SORCS1: variants seen among roughly 807,000 people sequenced by gnomAD.
SORCS1 encodes VPS10 domain-containing receptor SorCS1.
Under a neutral mutation model 146.1 loss-of-function variants are expected in SORCS1, and 60 were observed. The ratio of observed to expected loss-of-function variants is 0.41; its 90% confidence interval spans 0.33 to 0.51. The LOEUF is 0.51. SORCS1 is among the 20% of genes least tolerant of loss of function. The pLI is 0.21. For synonymous variants in SORCS1, 637 were observed against 584.0 expected, an observed-to-expected ratio of 1.09 and a Z score of -1.31; for missense variants, 1,352 against 1,487.6, an observed-to-expected ratio of 0.91 and a Z score of 1.50.
At chr10:106,819,174 T>C (rs1356589029) in intron 3 of SORCS1, among the ~76,000 whole-genome samples, 2 of 152,224 alleles carry the variant, frequency 1.3e-5, no homozygotes, top group African/African-American at 4.8e-5. Context: ...TCAGACACTG[T>C]TCTTTGCTGG....
intron 19 of SORCS1, among the ~76,000 whole-genome samples, chr10:106,623,922 G>T (rs1298993549): frequency 6.6e-6 from 1 of 152,034 alleles, no homozygotes; most frequent in Admixed American, 6.5e-5. Context: ...GACCTCAAGT[G>T]ATCCACCCAC....
rs1844577325 is a variant in SORCS1 at position 106,576,349 on chromosome 10, T to C, written c.*1071A>G. 6.6e-6 allele frequency: 1 copy of C among 152,332 alleles called. No individual in the cohort carries two copies. Among genetic ancestry groups the C allele is most frequent in the Non-Finnish European group, 1.5e-5 (1 of 68,148 alleles). The allele number at this position is 152,332 out of a possible 1,614,324, so 9.4% of individuals were successfully genotyped here. On this transcript the variant is annotated 3_prime_UTR_variant, in exon 26 of 26. Coordinates refer to ENST00000263054, the MANE Select transcript of SORCS1 (RefSeq NM_052918.5). Reference sequence around the variant, plus strand: ...AGGGTTAATGTCCAGAATCTAGCAATATGTTTGGGAAGAAAAACTGAGAAC... The same window carrying C: ...AGGGTTAATGTCCAGAATCTAGCAACATGTTTGGGAAGAAAAACTGAGAAC...
intron 9 of SORCS1, among the ~76,000 whole-genome samples, chr10:106,692,199 G>A (rs1267493060): frequency 6.6e-6 from 1 of 152,040 alleles, no homozygotes; most frequent in Non-Finnish European, 1.5e-5. Context: ...ACACCACTAT[G>A]CCCAGCTAAT....
chr10:107,147,767 A>G (rs962134519), intron 1 of SORCS1, among the ~76,000 whole-genome samples: 1 of 152,188 alleles, frequency 6.6e-6, no homozygotes. Flanking sequence ...TGTGCCAAAT[A>G]CTGGCATATA....
rs151298222 is a variant in SORCS1, at chr10:106,626,242, G to A, written c.2662+2960C>T. Among the ~76,000 whole-genome samples the A allele has an allele frequency of 8.5e-4, 130 of 152,312 alleles. 1 individual carries two copies. Among genetic ancestry groups the A allele is most frequent in the African/African-American group, 2.9e-3 (122 of 41,574 alleles). On this transcript the variant is annotated intron_variant, in intron 19 of 25. Coordinates refer to ENST00000263054, the MANE Select transcript of SORCS1 (RefSeq NM_052918.5). The stretch of plus-strand genomic sequence containing the variant: ...GCAGAGGACAGGCTTGGTGAGCTAA[G>A]AGTTGCTGCTAATTCTCCTCTTCCT...
chr10:106,598,381 C>T (rs1003098427), intron 23 of SORCS1, among the ~76,000 whole-genome samples: 7 of 151,826 alleles, frequency 4.6e-5, no homozygotes, highest in African/African-American at 1.7e-4. Context: ...CCTGCCTCAG[C>T]CTCCTGAGTA....
intron 5 of SORCS1, among the ~76,000 whole-genome samples, chr10:106,761,315 TATAAC>T (rs1459293516): frequency 4.6e-5 from 7 of 152,206 alleles, no homozygotes; most frequent in African/African-American, 1.7e-4. Flanking sequence ...TCCACCAAAA[TATAAC>T]AAAGCAATTC....
chr10:106,983,436 A>G (rs1956324249), intron 1 of SORCS1, among the ~76,000 whole-genome samples: 1 of 152,008 alleles, frequency 6.6e-6, no homozygotes, highest in African/African-American at 2.4e-5. Context: ...GTAGTAGACA[A>G]CCTAATGTGT....
intron 6 of SORCS1, among the ~76,000 whole-genome samples, chr10:106,719,993 T>C (rs1320240169): frequency 6.6e-6 from 1 of 152,198 alleles, no homozygotes; most frequent in Non-Finnish European, 1.5e-5. Context: ...TCTCCCATAT[T>C]TCCATACAGA....
chr10:107,132,955 A>G (rs1003848927), intron 1 of SORCS1, among the ~76,000 whole-genome samples: 4 of 152,216 alleles, frequency 2.6e-5, no homozygotes, highest in Middle Eastern at 3.2e-3. Context: ...TGGAAGAGTC[A>G]GAGCAATTTT....
chr10:107,071,239 T>A (rs1962397858), intron 1 of SORCS1, among the ~76,000 whole-genome samples: 1 of 152,194 alleles, frequency 6.6e-6, no homozygotes, highest in African/African-American at 2.4e-5. Flanking sequence ...TGGTTGTTTT[T>A]ATTTATGTTC....
chr10:107,027,060 T>A (rs1309778008), intron 1 of SORCS1, among the ~76,000 whole-genome samples: 1 of 146,568 alleles, frequency 6.8e-6, no homozygotes, highest in Non-Finnish European at 1.5e-5. Flanking sequence ...ATATATAAAA[T>A]ATAAATATAT....
intron 6 of SORCS1, among the ~76,000 whole-genome samples, 184 bp from the exon 7 acceptor site, chr10:106,709,525 T>G (rs1435837688): frequency 6.8e-6 from 1 of 147,856 alleles, no homozygotes; most frequent in East Asian, 2.1e-4. Flanking sequence ...CTCGGCTCAC[T>G]GCAAGCTCCG....
intron 2 of SORCS1, among the ~76,000 whole-genome samples, chr10:106,891,384 C>T (rs769072112): frequency 6.6e-6 from 1 of 152,070 alleles, no homozygotes; most frequent in Admixed American, 6.6e-5. Context: ...AATGAAAATA[C>T]CCCTTGTACA....
chr10:106,688,926 C>T (rs1853088212), intron 9 of SORCS1, among the ~76,000 whole-genome samples: 1 of 152,196 alleles, frequency 6.6e-6, no homozygotes, highest in African/African-American at 2.4e-5. Flanking sequence ...AAGCTATCTG[C>T]AGGCTTGGGC....
intron 1 of SORCS1, among the ~76,000 whole-genome samples, chr10:106,973,838 G>C (rs1026000790): frequency 6.6e-6 from 1 of 152,216 alleles, no homozygotes; most frequent in Non-Finnish European, 1.5e-5. Flanking sequence ...TTCCATGAAA[G>C]CAATGTGTAT....
At chr10:107,025,667 A>T (rs1958368928) in intron 1 of SORCS1, among the ~76,000 whole-genome samples, 1 of 152,228 alleles carries the variant, frequency 6.6e-6, no homozygotes, top group South Asian at 2.1e-4. Flanking sequence ...GAATTTAAAA[A>T]CTTTGACACG....
At chr10:106,810,698 C>A (rs991224172) in intron 3 of SORCS1, among the ~76,000 whole-genome samples, 4 of 152,162 alleles carry the variant, frequency 2.6e-5, no homozygotes, top group Non-Finnish European at 4.4e-5. Flanking sequence ...AATTCCAGTC[C>A]CTACTTCAAT....
chr10:107,056,123 C>T (rs966791969), intron 1 of SORCS1, among the ~76,000 whole-genome samples: 12 of 151,922 alleles, frequency 7.9e-5, no homozygotes, highest in Admixed American at 7.2e-4. Context: ...GTAAAAGTGT[C>T]GGGGGGGCTT....
Sources: gnomAD v4.1 joint callset for allele counts (sites outside exome capture counted in the v4.1 genomes callset) on GRCh38, gnomAD v4.1.1 for gene constraint, MANE v1.5 for transcripts, NCBI Gene and HGNC (gene_info 2026-07-23, HGNC 2026-07-21) for gene names.